Variants in PPP2R2B observed in about 807,000 individuals in gnomAD.
PPP2R2B encodes protein phosphatase 2 regulatory subunit Bbeta.
A neutral mutation model predicts 46.0 loss-of-function variants in PPP2R2B; 5 were observed. The ratio of observed to expected loss-of-function variants is 0.11; its 90% confidence interval spans 0.06 to 0.23. PPP2R2B has a LOEUF of 0.23. Ranked by LOEUF, PPP2R2B falls within the 10% of genes least tolerant of loss-of-function variation. PPP2R2B has a pLI of 1.00. For missense variants in PPP2R2B, 367 were observed against 575.0 expected, an observed-to-expected ratio of 0.64 and a Z score of 3.70; for synonymous variants, 215 against 206.7, an observed-to-expected ratio of 1.04 and a Z score of -0.34.
In PPP2R2B at chr5:146,650,744, A is replaced by G. The variant is rs1294110625; in HGVS notation, c.448-20T>C. On this transcript the variant is annotated intron_variant, in intron 5 of 9. Transcript: ENST00000394411. Reference sequence around the variant, plus strand: ...AGGCACCTGGGATGCAAGAGAAACAAATCACTTCAGAACCAAAGATCTTCC... The same window carrying G: ...AGGCACCTGGGATGCAAGAGAAACAGATCACTTCAGAACCAAAGATCTTCC... 6.2e-7 allele frequency: 1 copy of G among 1,608,806 alleles called. No individual in the cohort carries two copies. Among genetic ancestry groups the G allele is most frequent in the East Asian group, 2.2e-5 (1 of 44,740 alleles).
At chr5:146,632,263 A>G (rs1012015757) in intron 7 of PPP2R2B, among the ~76,000 whole-genome samples, 2 of 152,176 alleles carry the variant, frequency 1.3e-5, no homozygotes, top group Non-Finnish European at 2.9e-5. Flanking sequence ...ACACAGGGAG[A>G]AGACAGCCAT....
intron 1 of PPP2R2B, among the ~76,000 whole-genome samples, chr5:147,011,185 G>A (rs1754713494): frequency 6.6e-6 from 1 of 151,926 alleles, no homozygotes; most frequent in South Asian, 2.1e-4. Flanking sequence ...TTTGTGCCTG[G>A]AATGCTCTTA....
At chr5:146,804,568 TC>T (rs1030433664) in intron 2 of PPP2R2B, among the ~76,000 whole-genome samples, 6 of 152,186 alleles carry the variant, frequency 3.9e-5, no homozygotes, top group African/African-American at 1.4e-4. Context: ...CAATAAATAT[TC>T]GCCGGATGGA....
intron 1 of PPP2R2B, among the ~76,000 whole-genome samples, chr5:146,950,901 G>A (rs1764631118): frequency 1.3e-5 from 2 of 152,112 alleles, no homozygotes; most frequent in South Asian, 2.1e-4. Context: ...TTAATTCTTA[G>A]TGCCAAAAAT....
intron 9 of PPP2R2B, among the ~76,000 whole-genome samples, chr5:146,592,493 G>T (rs1770755893): frequency 6.6e-6 from 1 of 152,192 alleles, no homozygotes; most frequent in Non-Finnish European, 1.5e-5. Context: ...CCTTAAAATA[G>T]TAATAAATCA....
intron 1 of PPP2R2B, among the ~76,000 whole-genome samples, chr5:146,912,148 A>C (rs995963182): frequency 6.6e-6 from 1 of 150,566 alleles, no homozygotes; most frequent in African/African-American, 2.5e-5. Flanking sequence ...CTGAGGCAGA[A>C]GAACTGCTTG....
intron 2 of PPP2R2B, among the ~76,000 whole-genome samples, chr5:146,741,631 G>A (rs968190219): frequency 6.6e-6 from 1 of 152,142 alleles, no homozygotes; most frequent in South Asian, 2.1e-4. Context: ...TCAGAGCTCC[G>A]AGAATCATGC....
intron 1 of PPP2R2B, among the ~76,000 whole-genome samples, chr5:146,967,394 T>A (rs1388167703): frequency 6.6e-6 from 1 of 152,224 alleles, no homozygotes; most frequent in Non-Finnish European, 1.5e-5. Context: ...TCAAATGATC[T>A]CATTTAATCC....
At chr5:146,811,090 G>A (rs537989091) in intron 2 of PPP2R2B, among the ~76,000 whole-genome samples, 47 of 151,938 alleles carry the variant, frequency 3.1e-4, no homozygotes, top group Non-Finnish European at 6.0e-4. Context: ...TGCAACCTCC[G>A]CCTCCCGGGT....
chr5:146,961,655 A>G (rs1752177698), intron 1 of PPP2R2B, among the ~76,000 whole-genome samples: 1 of 152,106 alleles, frequency 6.6e-6, no homozygotes, highest in Admixed American at 6.6e-5. Context: ...TTTATATGTT[A>G]AGAGTATTAA....
chr5:147,070,807 A>G (rs558505608), intron 2 of PPP2R2B, among the ~76,000 whole-genome samples: 3 of 152,294 alleles, frequency 2.0e-5, no homozygotes, highest in African/African-American at 7.2e-5. Context: ...TCCTCCACTC[A>G]GGCATGATGA....
intron 2 of PPP2R2B, among the ~76,000 whole-genome samples, chr5:146,777,696 C>T (rs1452565330): frequency 6.6e-6 from 1 of 152,086 alleles, no homozygotes; most frequent in East Asian, 1.9e-4. Flanking sequence ...TTTGTAATGG[C>T]ACCATACTAT....
chr5:146,606,019 A>G (rs75439784), intron 7 of PPP2R2B, among the ~76,000 whole-genome samples: 1 of 152,226 alleles, frequency 6.6e-6, no homozygotes, highest in South Asian at 2.1e-4. Context: ...AGGTTCCAGA[A>G]TCTGGGGAAA....
At position 146,877,997 on chromosome 5, in the gene PPP2R2B, G is replaced by C; in HGVS notation, c.70+5C>G. Reference sequence around the variant, plus strand: ...AACGGCGGAATGCGGCGGGGCTGGCGTTACCTTCGGTCGCATAGCTGTGGT... The same window carrying C: ...AACGGCGGAATGCGGCGGGGCTGGCCTTACCTTCGGTCGCATAGCTGTGGT... On this transcript the variant is annotated splice_donor_5th_base_variant and intron_variant, in intron 2 of 9. Coordinates refer to ENST00000394411, the MANE Select transcript of PPP2R2B (RefSeq NM_181675.4). The C allele has an allele frequency of 6.2e-7, 1 of 1,610,410 alleles. No homozygotes were observed. The highest frequency in any genetic ancestry group is 8.5e-7 in the Non-Finnish European group (1 of 1,177,504).
At chr5:146,815,358 A>G (rs142057998) in intron 2 of PPP2R2B, among the ~76,000 whole-genome samples, 92 of 152,338 alleles carry the variant, frequency 6.0e-4, no homozygotes, top group African/African-American at 2.0e-3. Context: ...ACACACTTTC[A>G]TTGTATGCTT....
At chr5:146,950,100 A>C (rs1041039457) in intron 1 of PPP2R2B, among the ~76,000 whole-genome samples, 2 of 152,134 alleles carry the variant, frequency 1.3e-5, no homozygotes, top group African/African-American at 2.4e-5. Context: ...ACTTTAAAAA[A>C]TAGCTAAAAG....
intron 6 of PPP2R2B, among the ~76,000 whole-genome samples, chr5:146,648,419 A>G (rs1215357869): frequency 1.3e-5 from 2 of 152,184 alleles, no homozygotes; most frequent in Non-Finnish European, 2.9e-5. Context: ...GCTTTACTAT[A>G]ACTCTTAAAA....
intron 2 of PPP2R2B, among the ~76,000 whole-genome samples, chr5:147,077,806 A>T (rs1757835405): frequency 6.6e-6 from 1 of 152,172 alleles, no homozygotes; most frequent in African/African-American, 2.4e-5. Flanking sequence ...TGTCATTTTG[A>T]TCCTGACTCT....
chr5:146,670,614 G>A (rs1053699215), intron 5 of PPP2R2B, among the ~76,000 whole-genome samples: 21 of 152,006 alleles, frequency 1.4e-4, no homozygotes, highest in Admixed American at 1.1e-3. Context: ...TCTTGTTTTA[G>A]CCTTCTGAGT....
Sources: allele counts gnomAD v4.1 joint callset (sites outside exome capture counted in the v4.1 genomes callset), GRCh38; gene constraint gnomAD v4.1.1; transcripts MANE v1.5; gene names NCBI Gene and HGNC (gene_info 2026-07-23, HGNC 2026-07-21).